SYT14: variants seen among roughly 807,000 people sequenced by gnomAD.
The protein encoded by SYT14 is synaptotagmin-14.
A neutral mutation model predicts 74.2 loss-of-function variants in SYT14; 32 were observed. That is an observed-to-expected ratio of 0.43 (90% confidence interval 0.33 to 0.58). SYT14 has a LOEUF of 0.58. SYT14 is among the 20% of genes least tolerant of loss of function. SYT14 has a pLI of 0.05. For missense variants in SYT14, 791 were observed against 981.8 expected (o/e 0.81, Z 2.60); for synonymous variants, 298 against 337.7 (o/e 0.88, Z 1.29).
intron 7 of SYT14, among the ~76,000 whole-genome samples, chr1:210,121,904 A>G (rs1251330040): frequency 6.6e-6 from 1 of 152,078 alleles, no homozygotes; most frequent in Admixed American, 6.6e-5. Context: ...ATGCGTAGTA[A>G]CTCATATTAC....
At chr1:210,136,667 T>C (rs954767321) in intron 7 of SYT14, among the ~76,000 whole-genome samples, 1 of 152,076 alleles carries the variant, frequency 6.6e-6, no homozygotes. Context: ...ATGAGAGCAG[T>C]TGAGTGGGCA....
chr1:209,976,150 A>T (rs2079359378), intron 2 of SYT14, among the ~76,000 whole-genome samples: 1 of 151,738 alleles, frequency 6.6e-6, no homozygotes, highest in African/African-American at 2.4e-5. Context: ...TTTTCAAAAA[A>T]CCAGCTCCTG....
intron 7 of SYT14, among the ~76,000 whole-genome samples, chr1:210,101,964 A>G (rs1245744976): frequency 1.2e-4 from 18 of 152,212 alleles, no homozygotes; most frequent in Admixed American, 1.2e-3. Context: ...GTTCAAACTA[A>G]GCAATTTTTT....
chr1:210,061,305 A>T (rs958007687), intron 5 of SYT14, among the ~76,000 whole-genome samples: 3 of 151,980 alleles, frequency 2.0e-5, no homozygotes, highest in Non-Finnish European at 2.9e-5. Flanking sequence ...GGGTTTCTTT[A>T]AATGTTGAGT....
chr1:210,078,990 A>G (rs1451753872), intron 5 of SYT14, among the ~76,000 whole-genome samples: 4 of 152,012 alleles, frequency 2.6e-5, no homozygotes, highest in African/African-American at 9.7e-5. Flanking sequence ...CATGAGCTCA[A>G]GCGATCAGCC....
intron 4 of SYT14, among the ~76,000 whole-genome samples, chr1:210,019,961 A>G (rs969650839): frequency 6.6e-6 from 1 of 152,192 alleles, no homozygotes; most frequent in Non-Finnish European, 1.5e-5. Context: ...TTTGAAATTT[A>G]GGTATATTTA....
intron 7 of SYT14, among the ~76,000 whole-genome samples, chr1:210,116,693 AAG>A (rs949309287): frequency 1.5e-4 from 23 of 152,152 alleles, no homozygotes; most frequent in Admixed American, 7.2e-4. Flanking sequence ...ACACTTGGAG[AAG>A]AGAGACTGTT....
intron 5 of SYT14, among the ~76,000 whole-genome samples, chr1:210,031,860 A>G (rs1250454548): frequency 6.6e-6 from 1 of 152,124 alleles, no homozygotes; most frequent in African/African-American, 2.4e-5. Flanking sequence ...AACCTGTTTT[A>G]ATAAATCCTG....
intron 7 of SYT14, among the ~76,000 whole-genome samples, chr1:210,134,052 G>T (rs1450974526): frequency 6.6e-6 from 1 of 151,370 alleles, no homozygotes; most frequent in East Asian, 1.9e-4. Context: ...GTTAGGTTTT[G>T]TTGTTGTTGA....
exon 10 of SYT14, chr1:210,161,770 T>C: frequency 2.2e-6 from 1 of 453,972 alleles, no homozygotes; most frequent in Non-Finnish European, 4.4e-6. Context: ...GCAAGTCTTC[T>C]AGACAGGTTG....
chr1:210,055,653 CA>C (rs557686013), intron 5 of SYT14, among the ~76,000 whole-genome samples: 60 of 134,514 alleles, frequency 4.5e-4, no homozygotes, highest in Non-Finnish European at 3.9e-4. Flanking sequence ...CGCATCTCTA[CA>C]AAAAAAAAAA....
At chr1:210,134,049 TTTG>T (rs925576183) in intron 7 of SYT14, among the ~76,000 whole-genome samples, 1 of 151,472 alleles carries the variant, frequency 6.6e-6, no homozygotes, top group African/African-American at 2.4e-5. Flanking sequence ...TTGGTTAGGT[TTTG>T]TTGTTGTTGA....
At chr1:210,143,482 G>A (rs1020509748) in intron 7 of SYT14, among the ~76,000 whole-genome samples, 2 of 151,950 alleles carry the variant, frequency 1.3e-5, no homozygotes, top group Non-Finnish European at 2.9e-5. Context: ...ATATTCATTT[G>A]CTCCCGTTTG....
chr1:209,942,360 A>AACCCCCC (rs2078747291), intron 1 of SYT14, among the ~76,000 whole-genome samples: 10 of 74,634 alleles, frequency 1.3e-4, no homozygotes, highest in African/African-American at 6.6e-4. Context: ...ATGCAAATTT[A>AACCCCCC]CCCCCCCCCC....
intron 7 of SYT14, among the ~76,000 whole-genome samples, chr1:210,101,447 G>C (rs940770532): frequency 6.6e-6 from 1 of 152,046 alleles, no homozygotes; most frequent in African/African-American, 2.4e-5. Flanking sequence ...ATTTTATGTT[G>C]TAAGACCTTG....
At chr1:209,982,345 A>T (rs1258474489) in intron 2 of SYT14, among the ~76,000 whole-genome samples, 1 of 152,042 alleles carries the variant, frequency 6.6e-6, no homozygotes, top group Non-Finnish European at 1.5e-5. Context: ...TCTTGGAGAC[A>T]AGGTTTCACC....
chr1:209,944,646 G>C (rs1474639977), intron 1 of SYT14, among the ~76,000 whole-genome samples: 1 of 152,056 alleles, frequency 6.6e-6, no homozygotes, highest in Non-Finnish European at 1.5e-5. Flanking sequence ...GACTTTTTCA[G>C]ACTATTTTAA....
intron 5 of SYT14, among the ~76,000 whole-genome samples, chr1:210,074,844 C>T (rs1296167076): frequency 6.6e-6 from 1 of 152,192 alleles, no homozygotes; most frequent in Admixed American, 6.5e-5. Context: ...ACTGAAGCCC[C>T]AGTGGGCATG....
chr1:210,016,859 G>T (rs2102934743), exon 4 of SYT14: 1 of 1,231,700 alleles, frequency 8.1e-7, no homozygotes, highest in East Asian at 3.2e-5. Flanking sequence ...TTCTTTAAAA[G>T]ATATTTTGAC....
Sources: gnomAD v4.1 joint callset for allele counts (sites outside exome capture counted in the v4.1 genomes callset) on GRCh38, gnomAD v4.1.1 for gene constraint, MANE v1.5 for transcripts, NCBI Gene and HGNC (gene_info 2026-07-23, HGNC 2026-07-21) for gene names.